The following DHX35 variants were observed in gnomAD, a reference collection of about 807,000 sequenced individuals.
DHX35 encodes DEAH-box helicase 35, also known as probable ATP-dependent RNA helicase DHX35.
Under a neutral mutation model 99.6 loss-of-function variants are expected in DHX35, and 84 were observed. The observed-to-expected ratio is 0.84, with a 90% CI of 0.71 to 1.01. The LOEUF (loss-of-function observed/expected upper bound fraction) is 1.01, where lower values mean the gene tolerates loss of function less well. Ranked by LOEUF, DHX35 falls within the 50% of genes least tolerant of loss-of-function variation. The probability of loss-of-function intolerance (pLI) is 0.00; values close to 1 mark genes in which losing one functional copy is unlikely to be tolerated. For synonymous variants in DHX35, 331 were observed against 316.2 expected, an observed-to-expected ratio of 1.05 and a Z score of -0.50; for missense variants, 852 against 888.5, an observed-to-expected ratio of 0.96 and a Z score of 0.52.
chr20:38,975,292 A>G (rs2086059467), intron 3 of DHX35, among the ~76,000 whole-genome samples: 1 of 152,242 alleles, frequency 6.6e-6, no homozygotes, highest in African/African-American at 2.4e-5. Flanking sequence ...ATAACCGTAT[A>G]TGCAGATGGA....
At chr20:38,982,063 T>C (rs2086182921) in intron 3 of DHX35, among the ~76,000 whole-genome samples, 1 of 151,878 alleles carries the variant, frequency 6.6e-6, no homozygotes, top group African/African-American at 2.4e-5. Context: ...TATTAAGCCA[T>C]ACATTATAAA....
intron 16 of DHX35, 60 bp downstream of exon 16, chr20:39,021,995 G>A (rs1360581122): frequency 1.4e-5 from 21 of 1,529,282 alleles, no homozygotes; most frequent in Non-Finnish European, 1.9e-5. Flanking sequence ...AGCTTTCGTT[G>A]TCAAAACTGT....
intron 1 of DHX35, among the ~76,000 whole-genome samples, chr20:38,965,968 A>G (rs1246800703): frequency 3.3e-5 from 5 of 152,248 alleles, no homozygotes; most frequent in African/African-American, 1.2e-4. Flanking sequence ...TATAGCACAC[A>G]TACACAACTG....
chr20:39,019,832 C>T (rs1258652363), intron 15 of DHX35, among the ~76,000 whole-genome samples: 1 of 152,196 alleles, frequency 6.6e-6, no homozygotes, highest in African/African-American at 2.4e-5. Flanking sequence ...TTCCTCCAGT[C>T]TAACTGAAAC....
chr20:39,010,442 A>G (rs1277152683), intron 13 of DHX35, 38 bp downstream of exon 13: 1 of 1,609,516 alleles, frequency 6.2e-7, no homozygotes, highest in African/African-American at 1.3e-5. Context: ...TAGGGAGGCT[A>G]GGGAGCTCAC....
Position 39,002,978 on chromosome 20 carries a change from G to T in DHX35, c.852+110G>T, listed in dbSNP as rs2086546515. ...TGTATTTCATGTTTTGTTGTATTTT[G>T]TGGTTCCATAATTGTGTAGAAAATT... On this transcript the variant is annotated intron_variant, in intron 10 of 21. Coordinates refer to ENST00000252011, the MANE Select transcript of DHX35 (RefSeq NM_021931.4). The T allele has an allele frequency of 2.4e-5, 24 of 985,736 alleles. No individual in the cohort carries two copies. The South Asian group carries it at 3.6e-4, about 15-fold the overall frequency. The allele number at this position is 985,736 out of a possible 1,614,324, so 61.1% of individuals were successfully genotyped here.
At chr20:38,977,728 C>T in intron 3 of DHX35, 1 of 394,970 alleles carries the variant, frequency 2.5e-6, no homozygotes, top group Middle Eastern at 8.2e-4. Flanking sequence ...TGCATTTTTG[C>T]TTTAGTGTTT....
intron 12 of DHX35, among the ~76,000 whole-genome samples, chr20:39,007,999 T>C (rs2086645730): frequency 6.6e-6 from 1 of 152,254 alleles, no homozygotes; most frequent in Non-Finnish European, 1.5e-5. Flanking sequence ...TTTCAGAACA[T>C]TTCAGCCACT....
intron 10 of DHX35, among the ~76,000 whole-genome samples, chr20:39,003,178 TC>T (rs11368161): frequency 0.34 from 51,189 of 151,982 alleles, 8,732 homozygotes; most frequent in Middle Eastern, 0.51. Context: ...TAGGTCCATG[TC>T]CTGCACACAT....
chr20:38,991,445 AT>A lies in DHX35; in HGVS notation c.451-3del. The A allele has an allele frequency of 6.2e-7, 1 of 1,610,642 alleles. No individual in the cohort carries two copies. Among genetic ancestry groups the A allele is most frequent in the Non-Finnish European group, 8.5e-7 (1 of 1,178,798 alleles). On this transcript the variant is annotated splice_polypyrimidine_tract_variant and splice_region_variant and intron_variant, in intron 5 of 21. Coordinates refer to ENST00000252011, the MANE Select transcript of DHX35 (RefSeq NM_021931.4). ...ATTATTTCTAAAGCTTTGTGTTTTT[AT>A]TTTTTAGTTTCTTACTGATGGAATG... is the stretch of plus-strand genomic sequence containing the variant.
chr20:39,023,574 A>G, intron 16 of DHX35, 116 bp from the exon 17 acceptor site: 1 of 914,380 alleles, frequency 1.1e-6, no homozygotes, highest in East Asian at 2.6e-5. Context: ...GCTGGTCTCG[A>G]ACTTCTGGGT....
At chr20:39,029,028 C>G (rs1347550624) in intron 19 of DHX35, 1 of 155,194 alleles carries the variant, frequency 6.4e-6, no homozygotes, top group African/African-American at 2.4e-5. Context: ...TGATGCCTTC[C>G]TAATGGTCTT....
At chr20:38,984,540 C>T (rs571059463) in intron 4 of DHX35, among the ~76,000 whole-genome samples, 3 of 151,742 alleles carry the variant, frequency 2.0e-5, no homozygotes, top group East Asian at 1.9e-4. Flanking sequence ...AAATGTTCAC[C>T]GCAAGATAAT....
rs2086543929 is a variant in DHX35, at chr20:39,002,859, T to C, written c.843T>C (p.Leu281=). ...GAGACGGAGACGTTTTAGCATTTCTTACTGGCCAGGTAATGCCACTGTACT... is the reference window on the plus strand; with the variant it reads ...GAGACGGAGACGTTTTAGCATTTCTCACTGGCCAGGTAATGCCACTGTACT... ...TEGDGDVLAF[L]TGQEEVETVV... The change falls in exon 10 of 22, where the codon CTT becomes CTC. Residue 281 remains leucine (L), a synonymous_variant. Transcript: ENST00000252011. 1 of 1,614,148 alleles carries C rather than the reference T, an allele frequency of 6.2e-7. No individual in the cohort carries two copies. The highest frequency in any genetic ancestry group is 8.5e-7 in the Non-Finnish European group (1 of 1,179,956).
chr20:38,969,115 G>C lies in DHX35; in HGVS notation c.75G>C (p.Glu25Asp), dbSNP rs750046709. The part of the protein sequence containing the change: ...TEGPGVSISE[E>D]RQSLAENSGT... Reference sequence around the variant, plus strand: ...GGCCAGGTGTAAGCATCTCTGAAGAGAGACAAAGTCTGGCTGAAAACTCTG... The same window carrying C: ...GGCCAGGTGTAAGCATCTCTGAAGACAGACAAAGTCTGGCTGAAAACTCTG... The change falls in exon 2 of 22, where the codon GAG (glutamate) becomes GAC (aspartate). Residue 25 changes from glutamate to aspartate, a missense_variant. Coordinates refer to ENST00000252011, the MANE Select transcript of DHX35 (RefSeq NM_021931.4). The C allele has an allele frequency of 4.2e-5, 67 of 1,613,446 alleles. No homozygotes were observed. The highest frequency in any genetic ancestry group is 5.3e-5 in the Non-Finnish European group (62 of 1,179,590).
chr20:39,034,309 C>T lies in DHX35; in HGVS notation c.2059C>T (p.Gln687Ter). Residue 687 changes from glutamine to a stop codon, truncating the protein, a stop_gained, in exon 21 of 22, where the codon CAA becomes TAA. Coordinates refer to ENST00000252011, the MANE Select transcript of DHX35 (RefSeq NM_021931.4). LOFTEE classifies it high-confidence loss of function. Reference protein sequence around the residue: ...LLELAPHFYQQGTHLSLKAKR... With the variant: ...LLELAPHFYQ The stretch of plus-strand genomic sequence containing the variant: ...GGAGCTGGCTCCACACTTTTATCAA[C>T]AAGGAACGGTAGGAATGAACTGAGT... The T allele has an allele frequency of 6.2e-7, 1 of 1,613,682 alleles. No homozygotes were observed. The highest frequency in any genetic ancestry group is 8.5e-7 in the Non-Finnish European group (1 of 1,179,604).
Position 39,025,279 on chromosome 20 carries a change from G to T in DHX35, c.1721G>T (p.Gly574Val). 6.2e-7 allele frequency: 1 copy of T among 1,613,656 alleles called. No homozygotes were observed. The highest frequency in any genetic ancestry group is 8.5e-7 in the Non-Finnish European group (1 of 1,179,772). ...WCQEHFLNYKGLVRAATVREQ... is the reference protein window; with the variant it reads ...WCQEHFLNYKVLVRAATVREQ... The stretch of plus-strand genomic sequence containing the variant: ...CAGGAACATTTCCTGAATTACAAGG[G>T]TCTTGTCAGAGCTGCGACTGTAAGA... The change falls in exon 18 of 22, where the codon GGT (glycine) becomes GTT (valine). Residue 574 changes from glycine (G) to valine (V), a missense_variant. Transcript: ENST00000252011.
chr20:39,003,754 G>A lies in DHX35; in HGVS notation c.858G>A (p.Glu286=). The A allele has an allele frequency of 1.9e-6, 3 of 1,612,540 alleles. No homozygotes were observed. The highest frequency in any genetic ancestry group is 2.5e-6 in the Non-Finnish European group (3 of 1,178,766). Residue 286 remains glutamate (E), a synonymous_variant, in exon 11 of 22, where the codon GAG becomes GAA. Coordinates refer to ENST00000252011, the MANE Select transcript of DHX35 (RefSeq NM_021931.4). ...DVLAFLTGQE[E]VETVVSMLIE... ...TCCTGGTTCAACGTCTTTAGGAAGA[G>A]GTAGAAACTGTTGTGTCGATGCTCA...
chr20:38,975,941 G>T (rs1360256891), intron 3 of DHX35, among the ~76,000 whole-genome samples: 2 of 152,192 alleles, frequency 1.3e-5, no homozygotes, highest in African/African-American at 4.8e-5. Context: ...CTCCCATAGG[G>T]ATGGGTGGCA....
Sources: allele counts gnomAD v4.1 joint callset (sites outside exome capture counted in the v4.1 genomes callset), GRCh38; gene constraint gnomAD v4.1.1; transcripts MANE v1.5; gene names NCBI Gene and HGNC (gene_info 2026-07-23, HGNC 2026-07-21).